The following DNAH10 variants were observed in gnomAD, a reference collection of about 807,000 sequenced individuals.
DNAH10 encodes axonemal beta dynein heavy chain 10.
DNAH10 carries 348 observed loss-of-function variants against 506.6 expected under a neutral mutation model. The observed-to-expected ratio is 0.69, with a 90% CI of 0.63 to 0.75. The LOEUF (loss-of-function observed/expected upper bound fraction) is 0.75. Among genes scored for constraint, DNAH10 ranks in the 30% least tolerant of loss-of-function variants. The pLI is 0.00. For missense variants in DNAH10, 5,179 were observed against 5,787.1 expected, an observed-to-expected ratio of 0.89 and a Z score of 3.41; for synonymous variants, 2,059 against 2,198.6, an observed-to-expected ratio of 0.94 and a Z score of 1.78.
At chr12:123,821,020 C>T (rs559212574) in intron 24 of DNAH10, among the ~76,000 whole-genome samples, 9 of 152,206 alleles carry the variant, frequency 5.9e-5, no homozygotes, top group East Asian at 5.8e-4. Flanking sequence ...GAGGCCAAGG[C>T]GGGTGCATCA....
rs752796098 is a variant in DNAH10, at chr12:123,851,020, G to A, written c.6235G>A (p.Asp2079Asn). The A allele has an allele frequency of 8.1e-6, 13 of 1,613,484 alleles. No homozygotes were observed. The highest frequency in any genetic ancestry group is 6.7e-5 in the Admixed American group (4 of 59,984). The change falls in exon 35 of 79, where the codon GAC becomes AAC. Residue 2079 changes from aspartate to asparagine, a missense_variant. Coordinates refer to ENST00000673944, the MANE Select transcript of DNAH10 (RefSeq NM_001372106.1). ...LFRPVVVIVPDLQQICEIMLF... is the reference protein window; with the variant it reads ...LFRPVVVIVPNLQQICEIMLF... ...CAGGCCTGTGGTCGTGATCGTGCCC[G>A]ACCTGCAGCAGATCTGTGAGATCAT... is the stretch of plus-strand genomic sequence containing the variant.
chr12:123,923,182 C>T (rs566156650), intron 65 of DNAH10: 1 of 152,286 alleles, frequency 6.6e-6, no homozygotes, highest in African/African-American at 2.4e-5. Context: ...GGTTGGCAAC[C>T]CCCTAGCCAG....
rs1326635768 is a variant in DNAH10 at position 123,846,781 on chromosome 12, C to CT, written c.5814+628dup. 3.9e-5 allele frequency among the ~76,000 whole-genome samples: 6 copies of CT among 152,128 alleles called. No individual in the cohort carries two copies. Among genetic ancestry groups the CT allele is most frequent in the African/African-American group, 1.4e-4 (6 of 41,422 alleles). Reference sequence around the variant, plus strand: ...GTAGCTAGGACTATAGCATTCACTGCTGCACCTGGCTACATTGGTGGTCTC... The same window carrying CT: ...GTAGCTAGGACTATAGCATTCACTGCTTGCACCTGGCTACATTGGTGGTCTC... On this transcript the variant is annotated intron_variant, in intron 32 of 78. Transcript: ENST00000673944. The surrounding 1 kb of genome is among the most constrained non-coding windows in gnomAD (Gnocchi z 4.5).
intron 11 of DNAH10, among the ~76,000 whole-genome samples, chr12:123,793,453 C>T (rs190659306): frequency 1.1e-3 from 174 of 151,704 alleles, no homozygotes; most frequent in African/African-American, 4.1e-3. Context: ...GTTCTCCTGA[C>T]TCAGCCTCCA....
At chr12:123,859,086 C>G in intron 37 of DNAH10, 64 bp from the exon 38 acceptor site, 2 of 1,410,044 alleles carry the variant, frequency 1.4e-6, no homozygotes, top group Admixed American at 4.1e-5. Context: ...TGTGTTGTAT[C>G]GCAATAAAAC....
rs369282057 is a variant in DNAH10, at chr12:123,914,390, C to T, written c.10414C>T (p.Leu3472Phe). 6.5e-5 allele frequency: 105 copies of T among 1,613,464 alleles called. No homozygotes were observed. The highest frequency in any genetic ancestry group is 8.6e-5 in the Non-Finnish European group (101 of 1,179,898). Residue 3472 changes from leucine to phenylalanine, a missense_variant, in exon 61 of 79, where the codon CTC (leucine) becomes TTC (phenylalanine). This residue lies in a region of DNAH10 where 4,844 missense variants were observed against 5,430.5 expected (regional missense o/e 0.89). Coordinates refer to ENST00000673944, the MANE Select transcript of DNAH10 (RefSeq NM_001372106.1). ...CGTGAAGCTGCTGGGGGACTGCCTG[C>T]TCTGCGCGGCTTTCCTCAGCTACGA... ...RRVKLLGDCL[L>F]CAAFLSYEGA...
intron 19 of DNAH10, among the ~76,000 whole-genome samples, chr12:123,811,704 C>T (rs1393316146): frequency 1.3e-5 from 2 of 152,058 alleles, no homozygotes; most frequent in Non-Finnish European, 2.9e-5. Flanking sequence ...GGGGTTTCAC[C>T]ATGTTAGCCA....
At chr12:123,795,688 T>C (rs185478580) in intron 12 of DNAH10, among the ~76,000 whole-genome samples, 72 of 152,298 alleles carry the variant, frequency 4.7e-4, no homozygotes, top group African/African-American at 1.5e-3. Context: ...TCATGTAACA[T>C]TACATATTTT....
At chr12:123,811,180 C>T (rs1958916837) in intron 19 of DNAH10, among the ~76,000 whole-genome samples, 1 of 152,186 alleles carries the variant, frequency 6.6e-6, no homozygotes, top group Non-Finnish European at 1.5e-5. Context: ...AATTTTACCT[C>T]CTCTACTAAG....
At chr12:123,763,181 CAA>C (rs1956893071) in intron 1 of DNAH10, among the ~76,000 whole-genome samples, 1 of 152,176 alleles carries the variant, frequency 6.6e-6, no homozygotes, top group Non-Finnish European at 1.5e-5. Flanking sequence ...ATCGCAAATA[CAA>C]AAAGACAGTG....
chr12:123,883,810 T>A (rs1242349218), intron 51 of DNAH10, among the ~76,000 whole-genome samples: 1 of 152,162 alleles, frequency 6.6e-6, no homozygotes, highest in Non-Finnish European at 1.5e-5. Flanking sequence ...AGTGAGTCCA[T>A]AACAATAGTG....
chr12:123,771,025 A>T (rs1250886972), intron 2 of DNAH10, among the ~76,000 whole-genome samples: 1 of 135,850 alleles, frequency 7.4e-6, no homozygotes, highest in Non-Finnish European at 1.5e-5. Flanking sequence ...CCCAGGCTGC[A>T]GTGGCACAAT....
In DNAH10 at chr12:123,851,091, CA is replaced by C; in HGVS notation, c.6291+16del. 1 of 1,587,236 alleles carries C rather than the reference CA, an allele frequency of 6.3e-7. No individual in the cohort carries two copies. Among genetic ancestry groups the C allele is most frequent in the Non-Finnish European group, 8.6e-7 (1 of 1,164,560 alleles). ...TGGAGGCCAAGGTGGGGGGCCTTGG[CA>C]GCGCCAGGTCGTGCAGTGCAGACTT... On this transcript the variant is annotated intron_variant, in intron 35 of 78. Coordinates refer to ENST00000673944, the MANE Select transcript of DNAH10 (RefSeq NM_001372106.1).
At chr12:123,767,397 G>A (rs1306461894) in intron 1 of DNAH10, among the ~76,000 whole-genome samples, 7 of 151,938 alleles carry the variant, frequency 4.6e-5, no homozygotes, top group Non-Finnish European at 8.8e-5. Flanking sequence ...TGTATCCTTC[G>A]TCTCTTGGCA....
In DNAH10 at chr12:123,902,571, G is replaced by A. The variant is rs767308086; in HGVS notation, c.9641-368G>A. Among the ~76,000 whole-genome samples the A allele has an allele frequency of 1.8e-4, 28 of 152,326 alleles. No homozygotes were observed. The highest frequency in any genetic ancestry group is 3.5e-4 in the Non-Finnish European group (24 of 68,034). Reference sequence around the variant, plus strand: ...GTGAGCGTAGGAAGAGGCGATGAGAGGCAGAAGGAGGAGATCGCAGGGAGC... The same window carrying A: ...GTGAGCGTAGGAAGAGGCGATGAGAAGCAGAAGGAGGAGATCGCAGGGAGC... On this transcript the variant is annotated intron_variant, in intron 56 of 78. Coordinates refer to ENST00000673944, the MANE Select transcript of DNAH10 (RefSeq NM_001372106.1). The surrounding 1 kb of genome is among the most constrained non-coding windows in gnomAD (Gnocchi z 4.5).
At position 123,916,729 on chromosome 12, in the gene DNAH10, T is replaced by C. The variant is rs200404192; in HGVS notation, c.10995T>C (p.Asn3665=). Residue 3665 remains asparagine, a synonymous_variant, in exon 63 of 79, where the codon AAT becomes AAC. Transcript: ENST00000673944. The surrounding 1 kb of genome is among the most constrained non-coding windows in gnomAD (Gnocchi z 4.6). ...PSVFGKAMVI[N]YTVTLKGLED... is the part of the protein sequence containing the mutation. Reference sequence around the variant, plus strand: ...TGTTTGGGAAAGCTATGGTGATCAATTACACTGGTAAGAATGTGTAGAACC... The same window carrying C: ...TGTTTGGGAAAGCTATGGTGATCAACTACACTGGTAAGAATGTGTAGAACC... The C allele has an allele frequency of 1.1e-4, 181 of 1,609,378 alleles. No individual in the cohort carries two copies. In the African/African-American group the frequency reaches 2.1e-3, roughly 19 times the overall value.
intron 57 of DNAH10, among the ~76,000 whole-genome samples, chr12:123,908,952 T>C (rs1953935707): frequency 6.6e-6 from 1 of 152,086 alleles, no homozygotes; most frequent in African/African-American, 2.4e-5. Flanking sequence ...AATTAAAACA[T>C]AGGTGCTCAG....
At chr12:123,803,532 C>T (rs967224481) in intron 16 of DNAH10, 129 bp from the exon 17 acceptor site, 14 of 922,430 alleles carry the variant, frequency 1.5e-5, no homozygotes, top group Non-Finnish European at 1.9e-5. Context: ...GCCCAAAGAC[C>T]CAAGGGGTTG....
intron 15 of DNAH10, 29 bp downstream of exon 15, chr12:123,800,417 G>T: frequency 6.2e-7 from 1 of 1,603,816 alleles, no homozygotes; most frequent in Non-Finnish European, 8.5e-7. Flanking sequence ...TAAATTAGCA[G>T]TAAGCTTTTT....
Sources: gnomAD v4.1 joint callset for allele counts (sites outside exome capture counted in the v4.1 genomes callset) on GRCh38, gnomAD v4.1.1 for gene constraint, gnomAD v4.1.1 regional missense constraint, Gnocchi (gnomAD v3.1) non-coding constraint, MANE v1.5 for transcripts, NCBI Gene and HGNC (gene_info 2026-07-23, HGNC 2026-07-21) for gene names.